The following ABCB5 variants were observed in gnomAD, a reference collection of about 807,000 sequenced individuals.
ABCB5 encodes ATP-binding cassette sub-family B member 5.
A neutral mutation model predicts 144.2 loss-of-function variants in ABCB5; 155 were observed. The observed-to-expected ratio is 1.08, with a 90% confidence interval of 0.94 to 1.23. ABCB5 has a LOEUF of 1.23. Ranked by LOEUF, ABCB5 falls within the 50% of genes most tolerant of loss-of-function variation. The probability of loss-of-function intolerance (pLI) is 0.00; values close to 1 mark genes in which losing one functional copy is unlikely to be tolerated. For synonymous variants in ABCB5, 610 were observed against 528.6 expected (o/e 1.15, Z -2.11); for missense variants, 1,830 against 1,520.8 (o/e 1.20, Z -3.38).
chr7:20,639,850 A>G (rs1784255944), intron 5 of ABCB5, among the ~76,000 whole-genome samples: 1 of 152,278 alleles, frequency 6.6e-6, no homozygotes, highest in African/African-American at 2.4e-5. Flanking sequence ...ACATTTCTAT[A>G]TGTATTTTAT....
chr7:20,706,715 G>T (rs1786836154), intron 20 of ABCB5, among the ~76,000 whole-genome samples: 1 of 152,034 alleles, frequency 6.6e-6, no homozygotes, highest in African/African-American at 2.4e-5. Context: ...TAAAACAAGG[G>T]GTAAACTGTC....
In ABCB5 at chr7:20,755,976, T is replaced by C. The variant is rs1783076387; in HGVS notation, c.*352T>C. ...GGGGAATATTATCCAATTAACCATG[T>C]TGAAGGTTTTAGCAAAGGCAGTGTA... On this transcript the variant is annotated 3_prime_UTR_variant, in exon 28 of 28. Transcript: ENST00000404938. 1 of 265,986 alleles carries C rather than the reference T, an allele frequency of 3.8e-6. No individual in the cohort carries two copies. The highest frequency in any genetic ancestry group is 5.0e-5 in the Admixed American group (1 of 20,004). 16.5% of individuals were successfully genotyped at this position (265,986 alleles called of 1,614,324 possible).
chr7:20,650,305 T>C (rs944144523), intron 12 of ABCB5, among the ~76,000 whole-genome samples, 158 bp downstream of exon 12: 1 of 152,220 alleles, frequency 6.6e-6, no homozygotes, highest in Non-Finnish European at 1.5e-5. Context: ...CAAATATTTA[T>C]TTAGAGCCTA....
intron 20 of ABCB5, among the ~76,000 whole-genome samples, chr7:20,717,322 G>T (rs904161983): frequency 2.6e-5 from 4 of 152,080 alleles, no homozygotes; most frequent in African/African-American, 4.8e-5. Context: ...CCAAGAACAA[G>T]ATGTCCGCAC....
In ABCB5 at chr7:20,701,306, T is replaced by C. The variant is rs1006264760; in HGVS notation, c.2337+1171T>C. Among the ~76,000 whole-genome samples the C allele has an allele frequency of 5.3e-5, 8 of 152,346 alleles. 1 individual carries two copies. The South Asian group carries it at 1.7e-3, about 32-fold the overall frequency. ...ATAAGTTGAGACTTTAATTAACTAATACTGTATTTCACATTTGTTGACTAT... is the reference window on the plus strand; with the variant it reads ...ATAAGTTGAGACTTTAATTAACTAACACTGTATTTCACATTTGTTGACTAT... On this transcript the variant is annotated intron_variant, in intron 19 of 27. Coordinates refer to ENST00000404938, the MANE Select transcript of ABCB5 (RefSeq NM_001163941.2).
intron 16 of ABCB5, among the ~76,000 whole-genome samples, chr7:20,697,331 C>T (rs1374886792): frequency 6.6e-6 from 1 of 152,118 alleles, no homozygotes; most frequent in Non-Finnish European, 1.5e-5. Context: ...ATTTTATAGT[C>T]TTACTTGAAG....
intron 14 of ABCB5, among the ~76,000 whole-genome samples, chr7:20,674,265 A>C (rs1785537336): frequency 6.6e-6 from 1 of 151,898 alleles, no homozygotes; most frequent in Non-Finnish European, 1.5e-5. Flanking sequence ...ATTTCCATCG[A>C]TTCCTTTTAC....
Position 20,650,163 on chromosome 7 carries a change from A to C in ABCB5, c.1332+16A>C. On this transcript the variant is annotated intron_variant, in intron 12 of 27. Coordinates refer to ENST00000404938, the MANE Select transcript of ABCB5 (RefSeq NM_001163941.2). The stretch of plus-strand genomic sequence containing the variant: ...TGATGGCTTTGTAAGTGCAGCTAGC[A>C]AAACCATGCACAGTCCACCTAATGG... 6.2e-7 allele frequency: 1 copy of C among 1,613,054 alleles called. No individual in the cohort carries two copies.
rs569805401 is a variant in ABCB5 at position 20,615,760 on chromosome 7, A to T, written c.-99A>T. Reference sequence around the variant, plus strand: ...CTGAAAGCTTTATCCTATCCTCTTCAGAAGACTTCAGTCTTTTCTCTTAAG... The same window carrying T: ...CTGAAAGCTTTATCCTATCCTCTTCTGAAGACTTCAGTCTTTTCTCTTAAG... On this transcript the variant is annotated 5_prime_UTR_variant, in exon 1 of 28. Coordinates refer to ENST00000404938, the MANE Select transcript of ABCB5 (RefSeq NM_001163941.2). The T allele has an allele frequency of 2.7e-4, 41 of 152,268 alleles. No individual in the cohort carries two copies. Among genetic ancestry groups the T allele is most frequent in the African/African-American group, 9.9e-4 (41 of 41,442 alleles). The allele number at this position is 152,268 out of a possible 1,614,324, so 9.4% of individuals were successfully genotyped here.
At chr7:20,734,540 A>G (rs1410853989) in intron 23 of ABCB5, among the ~76,000 whole-genome samples, 1 of 151,628 alleles carries the variant, frequency 6.6e-6, no homozygotes, top group Non-Finnish European at 1.5e-5. Flanking sequence ...TTCAAAAATG[A>G]CATTGTGTCT....
intron 5 of ABCB5, among the ~76,000 whole-genome samples, chr7:20,634,901 T>G (rs551021852): frequency 1.3e-5 from 2 of 152,132 alleles, no homozygotes; most frequent in Admixed American, 1.3e-4. Flanking sequence ...TGCAGAAGCT[T>G]TTTAATTAAT....
chr7:20,632,632 C>T (rs1364823028), intron 5 of ABCB5, among the ~76,000 whole-genome samples: 1 of 151,964 alleles, frequency 6.6e-6, no homozygotes, highest in African/African-American at 2.4e-5. Context: ...CAATGATAGA[C>T]TGGATTAAGA....
At position 20,729,329 on chromosome 7, in the gene ABCB5, T is replaced by C. The variant is rs141495618; in HGVS notation, c.2867+874T>C. ...ATCCCTTAGGAAATTTGTGAGACAT[T>C]ATGAAACTCTCAGTGTGGAGATGGC... On this transcript the variant is annotated intron_variant, in intron 23 of 27. Coordinates refer to ENST00000404938, the MANE Select transcript of ABCB5 (RefSeq NM_001163941.2). Among the ~76,000 whole-genome samples, 34 of 152,354 alleles carry C rather than the reference T, an allele frequency of 2.2e-4. No individual in the cohort carries two copies. The East Asian group carries it at 6.4e-3, about 29-fold the overall frequency.
chr7:20,745,421 A>T lies in ABCB5; in HGVS notation c.3412A>T (p.Ile1138Phe). The T allele has an allele frequency of 6.2e-7, 1 of 1,614,198 alleles. No individual in the cohort carries two copies. The highest frequency in any genetic ancestry group is 8.5e-7 in the Non-Finnish European group (1 of 1,180,032). The change falls in exon 26 of 28, where the codon ATT (isoleucine) becomes TTT (phenylalanine). Residue 1138 changes from isoleucine to phenylalanine, a missense_variant. Coordinates refer to ENST00000404938, the MANE Select transcript of ABCB5 (RefSeq NM_001163941.2). The part of the protein sequence containing the change: ...AANAANIHSF[I>F]EGLPEKYNTQ... ...AAATGCAGCAAATATCCATTCTTTT[A>T]TTGAAGGTCTCCCTGAGGTAAGAAA... is the stretch of plus-strand genomic sequence containing the variant.
chr7:20,620,373 C>T (rs1269077015), intron 1 of ABCB5, among the ~76,000 whole-genome samples: 1 of 151,974 alleles, frequency 6.6e-6, no homozygotes, highest in Non-Finnish European at 1.5e-5. Context: ...GCCAAAAACA[C>T]ACACAAAAAC....
At chr7:20,688,375 G>C (rs1759167067) in intron 16 of ABCB5, among the ~76,000 whole-genome samples, 1 of 152,218 alleles carries the variant, frequency 6.6e-6, no homozygotes. Context: ...TCATTAAGAG[G>C]GGATTGTAGT....
intron 16 of ABCB5, among the ~76,000 whole-genome samples, chr7:20,694,964 A>C (rs932484458): frequency 1.1e-4 from 17 of 152,068 alleles, no homozygotes; most frequent in Admixed American, 5.9e-4. Flanking sequence ...TAAATAAATT[A>C]AAAGATATTT....
chr7:20,631,504 T>C (rs1784037540), intron 4 of ABCB5, among the ~76,000 whole-genome samples: 1 of 152,252 alleles, frequency 6.6e-6, no homozygotes, highest in Admixed American at 6.5e-5. Flanking sequence ...ATCAGGACTT[T>C]GGTATATTAA....
intron 14 of ABCB5, chr7:20,659,914 C>G (rs1784946275): frequency 1.1e-6 from 1 of 950,436 alleles, no homozygotes; most frequent in Non-Finnish European, 1.3e-6. Context: ...AAACTCCTGA[C>G]CTCAGGTGAT....
Sources: allele counts gnomAD v4.1 joint callset (sites outside exome capture counted in the v4.1 genomes callset), GRCh38; gene constraint gnomAD v4.1.1; transcripts MANE v1.5; gene names NCBI Gene and HGNC (gene_info 2026-07-23, HGNC 2026-07-21).